The following GAPT variants were observed in gnomAD, a reference collection of about 807,000 sequenced individuals.
GAPT encodes the protein protein GAPT.
For missense variants in GAPT, 206 were observed against 189.2 expected (o/e 1.09, Z -0.52); for synonymous variants, 82 against 69.7 (o/e 1.18, Z -0.88).
rs758128260 is a variant in GAPT, at chr5:58,494,495, A to C, written c.-42A>C. The C allele has an allele frequency of 1.3e-5, 19 of 1,464,802 alleles. No homozygotes were observed. The highest frequency in any genetic ancestry group is 1.8e-5 in the Non-Finnish European group (19 of 1,075,082). The allele number at this position is 1,464,802 out of a possible 1,614,324, so 90.7% of individuals were successfully genotyped here. A position where few individuals can be genotyped will look rare whatever the true frequency, so the allele number is the denominator to read the frequency against. ...CAAAGAATTACACTGTGAATTCATTAAGGGTAACACCAAATCACTAAACAG... is the reference window on the plus strand; with the variant it reads ...CAAAGAATTACACTGTGAATTCATTCAGGGTAACACCAAATCACTAAACAG... On this transcript the variant is annotated 5_prime_UTR_variant, in exon 3 of 3. Transcript: ENST00000502276.
chr5:58,493,040 A>G (rs1029828615), intron 1 of GAPT, among the ~76,000 whole-genome samples: 3 of 152,142 alleles, frequency 2.0e-5, no homozygotes, highest in African/African-American at 7.2e-5. Context: ...ATTCAGTCAC[A>G]TTTTGGTTGT....
chr5:58,494,927 TCTGA>T lies in GAPT; in HGVS notation c.394_397del (p.Asp132IlefsTer31). On this transcript the variant is annotated frameshift_variant, in exon 3 of 3. Coordinates refer to ENST00000502276, the MANE Select transcript of GAPT (RefSeq NM_001304431.2). LOFTEE classifies it low-confidence loss of function (END_TRUNC). ...GCATATCTATGGAAATGAGACATCT[TCTGA>T]CTATTATAACTTCCAGAAGCCTCGT... 6.2e-7 allele frequency: 1 copy of T among 1,613,964 alleles called. No individual in the cohort carries two copies. Among genetic ancestry groups the T allele is most frequent in the Non-Finnish European group, 8.5e-7 (1 of 1,179,848 alleles).
In GAPT at chr5:58,494,877, A is replaced by T; in HGVS notation, c.341A>T (p.Asn114Ile). ...AAAACCGATAAGGAACTATATGAAA[A>T]CACAGGGCAGTCTAATTTCGAGGAG... ...KGKTDKELYE[N>I]TGQSNFEEHI... is the part of the protein sequence containing the mutation. The change falls in exon 3 of 3, where the codon AAC (asparagine) becomes ATC (isoleucine). Residue 114 changes from asparagine to isoleucine, a missense_variant. Coordinates refer to ENST00000502276, the MANE Select transcript of GAPT (RefSeq NM_001304431.2). The T allele has an allele frequency of 6.2e-7, 1 of 1,613,986 alleles. No homozygotes were observed. The highest frequency in any genetic ancestry group is 8.5e-7 in the Non-Finnish European group (1 of 1,179,928).
chr5:58,492,302 G>T (rs948208945), intron 1 of GAPT, among the ~76,000 whole-genome samples: 1 of 152,070 alleles, frequency 6.6e-6, no homozygotes, highest in East Asian at 1.9e-4. Flanking sequence ...AGTGTATTTT[G>T]TAAATTTATT....
In GAPT at chr5:58,495,275, C is replaced by A; in HGVS notation, c.*265C>A. On this transcript the variant is annotated 3_prime_UTR_variant, in exon 3 of 3. Coordinates refer to ENST00000502276, the MANE Select transcript of GAPT (RefSeq NM_001304431.2). Reference sequence around the variant, plus strand: ...GAGAGAAGGAGAGGAACAACAGACACTGGGGCCTACTTGAGGGAGGACAGT... The same window carrying A: ...GAGAGAAGGAGAGGAACAACAGACAATGGGGCCTACTTGAGGGAGGACAGT... 2.8e-6 allele frequency: 1 copy of A among 360,794 alleles called. No individual in the cohort carries two copies. The highest frequency in any genetic ancestry group is 5.1e-6 in the Non-Finnish European group (1 of 197,788). The allele number at this position is 360,794 out of a possible 1,614,324, so 22.3% of individuals were successfully genotyped here. A position where few individuals can be genotyped will look rare whatever the true frequency, so the allele number is the denominator to read the frequency against.
chr5:58,494,625 T>C lies in GAPT; in HGVS notation c.89T>C (p.Val30Ala), dbSNP rs1744381973. Residue 30 changes from valine to alanine, a missense_variant, in exon 3 of 3, where the codon GTT becomes GCT. By Grantham distance (64) the Val-to-Ala change is moderately conservative (BLOSUM62 0). Coordinates refer to ENST00000502276, the MANE Select transcript of GAPT (RefSeq NM_001304431.2). ...TTAGTGGTTTGTGGAATTGGGTGTG[T>C]TTGGCACTGGAAACACCGTGTTGCC... ...LLLVVCGIGC[V>A]WHWKHRVATR... 6.2e-7 allele frequency: 1 copy of C among 1,614,074 alleles called. No individual in the cohort carries two copies.
At chr5:58,491,894 A>G (rs1362613129) in intron 1 of GAPT, among the ~76,000 whole-genome samples, 1 of 152,196 alleles carries the variant, frequency 6.6e-6, no homozygotes, top group Admixed American at 6.5e-5. Context: ...GTCAAAGTGA[A>G]CATTATTTAA....
Position 58,495,227 on chromosome 5 carries a change from G to C in GAPT, c.*217G>C, listed in dbSNP as rs1744415179. Reference sequence around the variant, plus strand: ...ACCACATATTCTCACTTAAAAGTGGGAGCTAAATAATAAGAACACATGGAG... The same window carrying C: ...ACCACATATTCTCACTTAAAAGTGGCAGCTAAATAATAAGAACACATGGAG... On this transcript the variant is annotated 3_prime_UTR_variant, in exon 3 of 3. Transcript: ENST00000502276. The C allele has an allele frequency of 4.1e-6, 2 of 492,672 alleles. No homozygotes were observed. The highest frequency in any genetic ancestry group is 3.9e-5 in the African/African-American group (2 of 51,534). The allele number at this position is 492,672 out of a possible 1,614,324, so 30.5% of individuals were successfully genotyped here.
intron 2 of GAPT, 121 bp from the exon 3 acceptor site, chr5:58,494,126 A>G (rs1744353069): frequency 6.3e-6 from 1 of 158,662 alleles, no homozygotes; most frequent in Non-Finnish European, 1.4e-5. Flanking sequence ...TATGCAATTA[A>G]CATATTTTTA....
Position 58,495,227 on chromosome 5 carries a change from G to A in GAPT, c.*217G>A. 2.0e-6 allele frequency: 1 copy of A among 492,672 alleles called. No homozygotes were observed. Among genetic ancestry groups the A allele is most frequent in the South Asian group, 2.7e-5 (1 of 37,432 alleles). The allele number at this position is 492,672 out of a possible 1,614,324, so 30.5% of individuals were successfully genotyped here. On this transcript the variant is annotated 3_prime_UTR_variant, in exon 3 of 3. Transcript: ENST00000502276. ...ACCACATATTCTCACTTAAAAGTGG[G>A]AGCTAAATAATAAGAACACATGGAG...
chr5:58,495,273 C>T lies in GAPT; in HGVS notation c.*263C>T, dbSNP rs922193256. 8.2e-6 allele frequency: 3 copies of T among 364,332 alleles called. No individual in the cohort carries two copies. Among genetic ancestry groups the T allele is most frequent in the Non-Finnish European group, 1.5e-5 (3 of 200,114 alleles). The allele number at this position is 364,332 out of a possible 1,614,324, so 22.6% of individuals were successfully genotyped here. On this transcript the variant is annotated 3_prime_UTR_variant, in exon 3 of 3. Coordinates refer to ENST00000502276, the MANE Select transcript of GAPT (RefSeq NM_001304431.2). Reference sequence around the variant, plus strand: ...TGGAGAGAAGGAGAGGAACAACAGACACTGGGGCCTACTTGAGGGAGGACA... The same window carrying T: ...TGGAGAGAAGGAGAGGAACAACAGATACTGGGGCCTACTTGAGGGAGGACA...
intron 1 of GAPT, among the ~76,000 whole-genome samples, chr5:58,491,886 C>A (rs1744267977): frequency 6.6e-6 from 1 of 152,078 alleles, no homozygotes; most frequent in Non-Finnish European, 1.5e-5. Flanking sequence ...TCAAACTGGT[C>A]AAAGTGAACA....
Position 58,491,842 on chromosome 5 carries a change from G to T in GAPT, c.-419+301G>T, listed in dbSNP as rs868352755. Among the ~76,000 whole-genome samples, 7 of 152,264 alleles carry T rather than the reference G, an allele frequency of 4.6e-5. No homozygotes were observed. The Middle Eastern group carries it at 0.01, about 222-fold the overall frequency. Reference sequence around the variant, plus strand: ...TGTCAAATTGTTAGGTAACCTGTTGGAACTGCTTTCCAAAATGAAAACAGA... The same window carrying T: ...TGTCAAATTGTTAGGTAACCTGTTGTAACTGCTTTCCAAAATGAAAACAGA... On this transcript the variant is annotated intron_variant, in intron 1 of 2. Transcript: ENST00000502276.
In GAPT at chr5:58,494,984, A is replaced by G. The variant is rs779430118; in HGVS notation, c.448A>G (p.Ile150Val). 4.4e-6 allele frequency: 7 copies of G among 1,602,852 alleles called. No individual in the cohort carries two copies. In the African/African-American group the frequency reaches 8.1e-5, roughly 18 times the overall value. The change falls in exon 3 of 3, where the codon ATA (isoleucine) becomes GTA (valine). Residue 150 changes from isoleucine (I) to valine (V), a missense_variant. Transcript: ENST00000502276. ...RPSEVPQDED[I>V]YILPDSY ...TTCTGAAGTTCCTCAAGATGAAGAT[A>G]TATACATTCTTCCAGATTCATATTA...
chr5:58,495,210 T>C lies in GAPT; in HGVS notation c.*200T>C, dbSNP rs535285452. ...GGAACAGAAAATCAAATACCACATA[T>C]TCTCACTTAAAAGTGGGAGCTAAAT... On this transcript the variant is annotated 3_prime_UTR_variant, in exon 3 of 3. Coordinates refer to ENST00000502276, the MANE Select transcript of GAPT (RefSeq NM_001304431.2). 1.9e-6 allele frequency: 1 copy of C among 530,090 alleles called. No homozygotes were observed. The highest frequency in any genetic ancestry group is 3.3e-6 in the Non-Finnish European group (1 of 300,366). The allele number at this position is 530,090 out of a possible 1,614,324, so 32.8% of individuals were successfully genotyped here.
chr5:58,494,613 G>A lies in GAPT; in HGVS notation c.77G>A (p.Gly26Glu). The A allele has an allele frequency of 2.5e-6, 4 of 1,614,048 alleles. No individual in the cohort carries two copies. The highest frequency in any genetic ancestry group is 3.4e-6 in the Non-Finnish European group (4 of 1,179,966). ...CTTCTTTTACTCTTAGTGGTTTGTGGAATTGGGTGTGTTTGGCACTGGAAA... is the reference window on the plus strand; with the variant it reads ...CTTCTTTTACTCTTAGTGGTTTGTGAAATTGGGTGTGTTTGGCACTGGAAA... Reference protein sequence around the residue: ...ISLLLLLVVCGIGCVWHWKHR... With the variant: ...ISLLLLLVVCEIGCVWHWKHR... The change falls in exon 3 of 3, where the codon GGA (glycine) becomes GAA (glutamate). Residue 26 changes from glycine to glutamate, a missense_variant. Gly to Glu is a moderately conservative substitution (Grantham distance 98, BLOSUM62 -2). Coordinates refer to ENST00000502276, the MANE Select transcript of GAPT (RefSeq NM_001304431.2).
At chr5:58,492,874 G>A (rs553257311) in intron 1 of GAPT, among the ~76,000 whole-genome samples, 2 of 152,096 alleles carry the variant, frequency 1.3e-5, no homozygotes, top group African/African-American at 4.8e-5. Flanking sequence ...GTCTAATGCT[G>A]GTGTTGGTAA....
Position 58,493,427 on chromosome 5 carries a change from G to A in GAPT, c.-418-284G>A, listed in dbSNP as rs117741822. ...GGAAGTTATTTTCTGAAAGCTATGA[G>A]AAAACCTGTGATACTAAGGATTTTG... On this transcript the variant is annotated intron_variant, in intron 1 of 2. Transcript: ENST00000502276. Among the ~76,000 whole-genome samples the A allele has an allele frequency of 1.8e-4, 28 of 152,240 alleles. No individual in the cohort carries two copies. In the East Asian group the frequency reaches 5.4e-3, roughly 29 times the overall value.
In GAPT at chr5:58,496,360, C is replaced by G. The variant is rs1400475905; in HGVS notation, c.*1350C>G. 6.0e-6 allele frequency: 1 copy of G among 166,948 alleles called. No homozygotes were observed. Among genetic ancestry groups the G allele is most frequent in the East Asian group, 1.9e-4 (1 of 5,196 alleles). The allele number at this position is 166,948 out of a possible 1,614,324, so 10.3% of individuals were successfully genotyped here. On this transcript the variant is annotated 3_prime_UTR_variant, in exon 3 of 3. Coordinates refer to ENST00000502276, the MANE Select transcript of GAPT (RefSeq NM_001304431.2). ...TAAATTCATCTGTTATTCATCCATA[C>G]AAGGAATATTTGTTGTGTCTTCTAT...
Sources: allele counts gnomAD v4.1 joint callset (sites outside exome capture counted in the v4.1 genomes callset), GRCh38; gene constraint gnomAD v4.1.1; transcripts MANE v1.5; gene names NCBI Gene and HGNC (gene_info 2026-07-23, HGNC 2026-07-21).